Variants in MICU3 observed in about 807,000 individuals in gnomAD.
MICU3 encodes mitochondrial calcium uptake 3.
In MICU3, 62 loss-of-function variants were observed where a neutral mutation model predicts 66.5. The ratio of observed to expected loss-of-function variants is 0.93; its 90% CI spans 0.76 to 1.15. MICU3 has a LOEUF of 1.15. Ranked by LOEUF, MICU3 falls within the 50% of genes most tolerant of loss-of-function variation. The pLI is 0.00. For synonymous variants in MICU3, 308 were observed against 240.7 expected (o/e 1.28, Z -2.59); for missense variants, 779 against 664.4 (o/e 1.17, Z -1.90).
intron 11 of MICU3, among the ~76,000 whole-genome samples, chr8:17,108,260 A>T (rs184127341): frequency 6.6e-6 from 1 of 152,122 alleles, no homozygotes; most frequent in East Asian, 1.9e-4. Flanking sequence ...TAAGCAGGCA[A>T]GTTGGATATG....
rs924813778 is a variant in MICU3, at chr8:17,042,987, T to C, written c.381+15327T>C. Among the ~76,000 whole-genome samples, 6 of 131,960 alleles carry C rather than the reference T, an allele frequency of 4.5e-5. No homozygotes were observed. The South Asian group carries it at 1.5e-3, about 34-fold the overall frequency. 86.6% of individuals were successfully genotyped at this position (131,960 alleles called of 152,430 possible). A position where few individuals can be genotyped will look rare whatever the true frequency, so the allele number is the denominator to read the frequency against. ...CGGAGTCTCACTCTTTCGCCCAAGC[T>C]GGACTGCAGTGGCGCTATCCCGGCT... On this transcript the variant is annotated intron_variant, in intron 1 of 14. Transcript: ENST00000318063.
At chr8:17,039,825 A>G (rs1166275402) in intron 1 of MICU3, among the ~76,000 whole-genome samples, 1 of 150,038 alleles carries the variant, frequency 6.7e-6, no homozygotes, top group African/African-American at 2.4e-5. Context: ...GCTCAGTGTA[A>G]TATTTTGATA....
At chr8:17,041,830 G>A (rs1330903548) in intron 1 of MICU3, among the ~76,000 whole-genome samples, 2 of 152,300 alleles carry the variant, frequency 1.3e-5, no homozygotes, top group Middle Eastern at 3.4e-3. Flanking sequence ...GCAAGTAGTT[G>A]AAGGTGTTCT....
intron 1 of MICU3, among the ~76,000 whole-genome samples, chr8:17,044,581 A>G (rs1814747480): frequency 6.6e-6 from 1 of 152,238 alleles, no homozygotes; most frequent in South Asian, 2.1e-4. Flanking sequence ...ACTGATTCAC[A>G]GTACTACATC....
chr8:17,036,445 C>G (rs949650451), intron 1 of MICU3, among the ~76,000 whole-genome samples: 3 of 152,132 alleles, frequency 2.0e-5, no homozygotes, highest in African/African-American at 4.8e-5. Flanking sequence ...ATTCTCTTAT[C>G]TGGCCCCATC....
chr8:17,105,833 A>G (rs2150814732), intron 11 of MICU3, among the ~76,000 whole-genome samples: 1 of 152,130 alleles, frequency 6.6e-6, no homozygotes, highest in Admixed American at 6.5e-5. Flanking sequence ...GTTTTATTCA[A>G]ATTAACAATA....
intron 2 of MICU3, among the ~76,000 whole-genome samples, chr8:17,069,440 T>C (rs1236991437): frequency 1.3e-5 from 2 of 152,136 alleles, no homozygotes; most frequent in Non-Finnish European, 2.9e-5. Context: ...CAAATTAAGA[T>C]GATACGGCTG....
rs184857861 is a variant in MICU3 at position 17,073,260 on chromosome 8, G to A, written c.567+3541G>A. 1.8e-3 allele frequency among the ~76,000 whole-genome samples: 269 copies of A among 152,152 alleles called. 1 individual carries two copies. The Middle Eastern group carries it at 0.034, about 19-fold the overall frequency. ...GATCGCCCCCTTCCCGTGAAGCTTC[G>A]TCTGTATTTACAGCCACTCTCCATC... On this transcript the variant is annotated intron_variant, in intron 3 of 14. Coordinates refer to ENST00000318063, the MANE Select transcript of MICU3 (RefSeq NM_181723.3).
At chr8:17,108,002 G>T (rs1002678003) in intron 11 of MICU3, among the ~76,000 whole-genome samples, 2 of 152,156 alleles carry the variant, frequency 1.3e-5, no homozygotes, top group Non-Finnish European at 2.9e-5. Flanking sequence ...CAGGGTAAGA[G>T]TAGGGAAAAG....
At chr8:17,033,035 C>A (rs75300433) in intron 1 of MICU3, among the ~76,000 whole-genome samples, 1 of 152,148 alleles carries the variant, frequency 6.6e-6, no homozygotes, top group Non-Finnish European at 1.5e-5. Context: ...TCCCTAGTCT[C>A]TTTCCCTCTT....
intron 11 of MICU3, among the ~76,000 whole-genome samples, chr8:17,107,491 C>G (rs996004008): frequency 1.3e-5 from 2 of 152,020 alleles, no homozygotes; most frequent in Non-Finnish European, 2.9e-5. Flanking sequence ...ACTCTGTAGG[C>G]TAAGGTAAGA....
intron 1 of MICU3, among the ~76,000 whole-genome samples, chr8:17,040,985 A>T (rs1016317123): frequency 6.6e-6 from 1 of 152,238 alleles, no homozygotes; most frequent in Non-Finnish European, 1.5e-5. Flanking sequence ...GGCATGGATG[A>T]TGAATCTGTA....
intron 3 of MICU3, among the ~76,000 whole-genome samples, chr8:17,070,780 G>C (rs981213541): frequency 7.2e-5 from 11 of 151,974 alleles, no homozygotes; most frequent in African/African-American, 2.4e-4. Context: ...AGGTATATTA[G>C]TCCCCGTTTA....
chr8:17,061,106 G>A (rs1817759590), intron 1 of MICU3, among the ~76,000 whole-genome samples: 1 of 152,086 alleles, frequency 6.6e-6, no homozygotes, highest in Admixed American at 6.6e-5. Context: ...ACAATCACAG[G>A]GCATTACTAT....
At chr8:17,069,772 A>G (rs144193351) in intron 3 of MICU3, 53 bp downstream of exon 3, 43 of 592,302 alleles carry the variant, frequency 7.3e-5, no homozygotes, top group African/African-American at 5.7e-4. Flanking sequence ...GCATGCATAT[A>G]TACATATATA....
At chr8:17,059,970 C>G (rs1262584916) in intron 1 of MICU3, among the ~76,000 whole-genome samples, 1 of 152,152 alleles carries the variant, frequency 6.6e-6, no homozygotes, top group Non-Finnish European at 1.5e-5. Flanking sequence ...GAATTTGATA[C>G]ACTGATTTCA....
chr8:17,132,819 C>A, the MICU3 span: 1 of 152,234 alleles, frequency 6.6e-6, no homozygotes, highest in East Asian at 1.9e-4. Flanking sequence ...TGGTGACCTC[C>A]CAAAATTTAT....
At chr8:17,069,646 G>A in intron 2 of MICU3, 42 bp from the exon 3 acceptor site, 1 of 1,240,794 alleles carries the variant, frequency 8.1e-7, no homozygotes, top group Non-Finnish European at 1.1e-6. Context: ...TATATTCCAT[G>A]AAGTATTTAT....
the MICU3 span, among the ~76,000 whole-genome samples, chr8:17,136,786 G>A: frequency 1.1e-4 from 16 of 152,084 alleles, no homozygotes; most frequent in East Asian, 5.8e-4. Context: ...TGGCAGTGCC[G>A]TGGTGCAGAG....
Sources: allele counts gnomAD v4.1 joint callset (sites outside exome capture counted in the v4.1 genomes callset), GRCh38; gene constraint gnomAD v4.1.1; transcripts MANE v1.5; gene names NCBI Gene and HGNC (gene_info 2026-07-23, HGNC 2026-07-21).